The following ARMC9 variants were observed in gnomAD, a reference collection of about 807,000 sequenced individuals.
The protein encoded by ARMC9 is armadillo repeat containing 9, also known as lisH domain-containing protein ARMC9.
In ARMC9, 94 loss-of-function variants were observed where a neutral mutation model predicts 107.0. The ratio of observed to expected loss-of-function variants is 0.88; its 90% CI spans 0.74 to 1.04. The LOEUF (loss-of-function observed/expected upper bound fraction) is 1.04, where lower values mean the gene tolerates loss of function less well. ARMC9 is among the 50% of genes least tolerant of loss of function. The probability of loss-of-function intolerance (pLI) is 0.00; values close to 1 mark genes in which losing one functional copy is unlikely to be tolerated. For missense variants in ARMC9, 942 were observed against 1,030.1 expected (o/e 0.91, Z 1.17); for synonymous variants, 380 against 396.9 (o/e 0.96, Z 0.51).
At chr2:231,230,276 T>A (rs543224403) in intron 7 of ARMC9, among the ~76,000 whole-genome samples, 1 of 151,922 alleles carries the variant, frequency 6.6e-6, no homozygotes, top group East Asian at 1.9e-4. Flanking sequence ...GATGGAAGGA[T>A]GGTTTGAGCC....
At position 231,350,946 on chromosome 2, in the gene ARMC9, C is replaced by CTTTTTTTTTTT. The variant is rs770225857; in HGVS notation, c.1995-4832_1995-4822dup. ...ATCCTATTTGCACAAAGTGACAATT[C>CTTTTTTTTTTT]TTTTTTTTTTTTTTTTTTTTTTTTT... On this transcript the variant is annotated intron_variant, in intron 21 of 24. Coordinates refer to ENST00000611582, the MANE Select transcript of ARMC9 (RefSeq NM_001352754.2). Among the ~76,000 whole-genome samples, 32 of 50,600 alleles carry CTTTTTTTTTTT rather than the reference C, an allele frequency of 6.3e-4. 7 individuals carry two copies. The highest frequency in any genetic ancestry group is 2.9e-3 in the African/African-American group (29 of 10,074). 33.2% of individuals were successfully genotyped at this position (50,600 alleles called of 152,430 possible).
chr2:231,335,552 G>A (rs916856765), intron 20 of ARMC9, among the ~76,000 whole-genome samples: 2 of 152,154 alleles, frequency 1.3e-5, no homozygotes, highest in East Asian at 1.9e-4. Context: ...TGAAGAGCAC[G>A]GCGATCTCAG....
chr2:231,322,003 G>C (rs539906630), intron 19 of ARMC9, among the ~76,000 whole-genome samples: 1 of 152,370 alleles, frequency 6.6e-6, no homozygotes, highest in South Asian at 2.1e-4. Context: ...AGCGGCGAAA[G>C]CAAGAGACTG....
At chr2:231,239,922 G>A (rs772420803) in intron 8 of ARMC9, 21 bp from the exon 9 acceptor site, 8 of 1,603,120 alleles carry the variant, frequency 5.0e-6, no homozygotes, top group African/African-American at 1.3e-5. Flanking sequence ...ATCACCAGAT[G>A]TCTTTGTATC....
At chr2:231,301,572 T>G (rs1353214076) in intron 19 of ARMC9, among the ~76,000 whole-genome samples, 1 of 152,228 alleles carries the variant, frequency 6.6e-6, no homozygotes, top group Non-Finnish European at 1.5e-5. Context: ...ATATCCTTTC[T>G]GTTTTTTTCA....
Position 231,369,986 on chromosome 2 carries a change from G to T in ARMC9, c.2295G>T (p.Arg765=), listed in dbSNP as rs1283285003. 1 of 1,529,970 alleles carries T rather than the reference G, an allele frequency of 6.5e-7. No homozygotes were observed. Among genetic ancestry groups the T allele is most frequent in the Non-Finnish European group, 8.7e-7 (1 of 1,142,964 alleles). The allele number at this position is 1,529,970 out of a possible 1,614,324, so 94.8% of individuals were successfully genotyped here. ...ECASAFTCKP[R]APCTPEMLDW... ...CATCAGCCTTCACCTGCAAGCCCCG[G>T]GCCCCCTGCACTCCAGAGATGCTGG... Residue 765 remains arginine (R), a synonymous_variant, in exon 24 of 25, where the codon CGG becomes CGT. Transcript: ENST00000611582.
At chr2:231,199,753 T>A (rs976503463) in intron 1 of ARMC9, among the ~76,000 whole-genome samples, 2 of 152,034 alleles carry the variant, frequency 1.3e-5, no homozygotes, top group African/African-American at 4.8e-5. Context: ...TGGAGTGGAG[T>A]GGCATGATCT....
Position 231,317,194 on chromosome 2 carries a change from G to A in ARMC9, c.1774-14599G>A, listed in dbSNP as rs568268343. On this transcript the variant is annotated intron_variant, in intron 19 of 24. Coordinates refer to ENST00000611582, the MANE Select transcript of ARMC9 (RefSeq NM_001352754.2). ...CATGGAACTTTTTTTTTTTTGAGAC[G>A]GAGTCTCATTCTGTCGCCCAGGCTG... 2.3e-4 allele frequency among the ~76,000 whole-genome samples: 34 copies of A among 149,804 alleles called. No homozygotes were observed. The South Asian group carries it at 3.6e-3, about 16-fold the overall frequency.
intron 16 of ARMC9, among the ~76,000 whole-genome samples, chr2:231,279,941 T>C (rs1198048306): frequency 6.6e-6 from 1 of 152,212 alleles, no homozygotes; most frequent in Non-Finnish European, 1.5e-5. Context: ...ATTCATTTTA[T>C]ATTTTAAAGC....
chr2:231,239,861 ACT>A (rs2125371234), intron 8 of ARMC9, 80 bp from the exon 9 acceptor site: 1 of 1,159,640 alleles, frequency 8.6e-7, no homozygotes, highest in South Asian at 1.3e-5. Context: ...TTGAGAGACC[ACT>A]CTAACAATTG....
chr2:231,345,281 C>T (rs1010556881), intron 21 of ARMC9, 191 bp downstream of exon 21: 2 of 1,101,858 alleles, frequency 1.8e-6, no homozygotes, highest in African/African-American at 3.3e-5. Flanking sequence ...TTTTTTATTC[C>T]AGAAGGAGAA....
At chr2:231,207,246 A>C (rs935045986) in intron 2 of ARMC9, among the ~76,000 whole-genome samples, 2 of 152,200 alleles carry the variant, frequency 1.3e-5, no homozygotes, top group Non-Finnish European at 2.9e-5. Flanking sequence ...GGCTTCAAGC[A>C]ATCCTCCTGC....
At chr2:231,330,731 T>A (rs2043675207) in intron 19 of ARMC9, among the ~76,000 whole-genome samples, 1 of 152,154 alleles carries the variant, frequency 6.6e-6, no homozygotes, top group South Asian at 2.1e-4. Context: ...CCATATTTTC[T>A]CCAGTGTTTA....
At chr2:231,225,619 GGC>G (rs1174602544) in intron 6 of ARMC9, among the ~76,000 whole-genome samples, 4 of 152,178 alleles carry the variant, frequency 2.6e-5, no homozygotes, top group Non-Finnish European at 2.9e-5. Context: ...AGAAGCCAGT[GGC>G]AGGGACCAGG....
rs547366040 is a variant in ARMC9 at position 231,216,575 on chromosome 2, G to C, written c.349-63G>C. ...CAGAAGGAGCCTCAGAGAGAGGATG[G>C]GGTGAGCAGATAGACTGGGCATTGA... On this transcript the variant is annotated intron_variant, in intron 4 of 24. Transcript: ENST00000611582. 34 of 1,543,996 alleles carry C rather than the reference G, an allele frequency of 2.2e-5. 1 individual carries two copies. In the Admixed American group the frequency reaches 6.0e-4, roughly 27 times the overall value.
intron 21 of ARMC9, chr2:231,345,345 A>G: frequency 1.8e-6 from 1 of 558,044 alleles, no homozygotes. Flanking sequence ...TGTTGGCCAG[A>G]GTAATTTCAA....
At chr2:231,209,619 C>T (rs1023488131) in intron 3 of ARMC9, among the ~76,000 whole-genome samples, 4 of 151,956 alleles carry the variant, frequency 2.6e-5, no homozygotes, top group South Asian at 4.2e-4. Context: ...TACTGCAACC[C>T]CCGCCTCCTG....
At chr2:231,206,074 A>C (rs1345734075) in intron 1 of ARMC9, 124 bp from the exon 2 acceptor site, 6 of 671,786 alleles carry the variant, frequency 8.9e-6, no homozygotes, top group Admixed American at 2.8e-5. Context: ...TCACGTATTC[A>C]CAGGTTCTGG....
chr2:231,346,317 C>A (rs1397771012), intron 21 of ARMC9, among the ~76,000 whole-genome samples: 3 of 151,846 alleles, frequency 2.0e-5, no homozygotes, highest in Admixed American at 6.6e-5. Flanking sequence ...GTCAGGAGAT[C>A]GAGACCATCC....
Sources: gnomAD v4.1 joint callset for allele counts (sites outside exome capture counted in the v4.1 genomes callset) on GRCh38, gnomAD v4.1.1 for gene constraint, MANE v1.5 for transcripts, NCBI Gene and HGNC (gene_info 2026-07-23, HGNC 2026-07-21) for gene names.